Variants in KANSL1L observed in about 807,000 individuals in gnomAD.
The protein encoded by KANSL1L is KAT8 regulatory NSL complex subunit 1 like.
In KANSL1L, 25 loss-of-function variants were observed where a neutral mutation model predicts 108.6. That is an observed-to-expected ratio of 0.23 (90% CI 0.17 to 0.32). The LOEUF (loss-of-function observed/expected upper bound fraction) is 0.32. Ranked by LOEUF, KANSL1L falls within the 10% of genes least tolerant of loss-of-function variation. The pLI, the probability that KANSL1L is intolerant of heterozygous loss-of-function variation, is 1.00. For synonymous variants in KANSL1L, 405 were observed against 395.1 expected (o/e 1.03, Z -0.30); for missense variants, 1,137 against 1,125.7 (o/e 1.01, Z -0.14).
At chr2:210,083,240 T>C (rs2094604554) in intron 5 of KANSL1L, among the ~76,000 whole-genome samples, 2 of 152,174 alleles carry the variant, frequency 1.3e-5, no homozygotes, top group African/African-American at 4.8e-5. Flanking sequence ...TTTGAACTTC[T>C]AGCCTCCAGA....
chr2:210,073,667 G>C (rs1202439963), intron 6 of KANSL1L, among the ~76,000 whole-genome samples: 1 of 151,892 alleles, frequency 6.6e-6, no homozygotes, highest in Non-Finnish European at 1.5e-5. Flanking sequence ...ATTACAGAAA[G>C]TTCTATGGTT....
intron 6 of KANSL1L, among the ~76,000 whole-genome samples, chr2:210,072,446 A>G (rs902072139): frequency 6.6e-6 from 1 of 152,238 alleles, no homozygotes; most frequent in Non-Finnish European, 1.5e-5. Flanking sequence ...GGCAGGAGGC[A>G]CTTTAAGACA....
At chr2:210,076,892 G>GA (rs1207092704) in intron 5 of KANSL1L, among the ~76,000 whole-genome samples, 1 of 151,908 alleles carries the variant, frequency 6.6e-6, no homozygotes, top group African/African-American at 2.4e-5. Flanking sequence ...ATTAACAAAT[G>GA]AATCTGCTAT....
intron 3 of KANSL1L, among the ~76,000 whole-genome samples, chr2:210,116,777 C>T (rs2094959335): frequency 6.6e-6 from 1 of 152,130 alleles, no homozygotes; most frequent in South Asian, 2.1e-4. Flanking sequence ...AGGACTGGTA[C>T]AAATTAGTGC....
intron 14 of KANSL1L, among the ~76,000 whole-genome samples, chr2:210,023,795 T>G (rs926790730): frequency 3.9e-5 from 6 of 152,226 alleles, no homozygotes; most frequent in Non-Finnish European, 1.5e-5. Flanking sequence ...AATGAAACTT[T>G]GATAGTACTT....
intron 6 of KANSL1L, among the ~76,000 whole-genome samples, chr2:210,069,316 A>G (rs1202259733): frequency 3.9e-5 from 6 of 152,182 alleles, no homozygotes; most frequent in Non-Finnish European, 7.3e-5. Flanking sequence ...TCTGTTCATG[A>G]TGATATACAT....
At chr2:210,081,114 CAAAA>C (rs1284969771) in intron 5 of KANSL1L, among the ~76,000 whole-genome samples, 1 of 151,796 alleles carries the variant, frequency 6.6e-6, no homozygotes, top group Non-Finnish European at 1.5e-5. Flanking sequence ...CTCAGAAAAA[CAAAA>C]CAAACAAACA....
At chr2:210,028,505 C>T (rs1226003037) in intron 11 of KANSL1L, 3 of 150,744 alleles carry the variant, frequency 2.0e-5, no homozygotes, top group Non-Finnish European at 4.1e-5. Context: ...ACACCTGTAT[C>T]TTCAAGGGCA....
intron 2 of KANSL1L, among the ~76,000 whole-genome samples, chr2:210,145,066 C>A (rs2095256153): frequency 6.6e-6 from 1 of 152,190 alleles, no homozygotes; most frequent in Non-Finnish European, 1.5e-5. Flanking sequence ...AATCTCTGTA[C>A]AGCTCTATCA....
At chr2:210,108,125 T>C (rs1328434685) in intron 3 of KANSL1L, among the ~76,000 whole-genome samples, 2 of 152,192 alleles carry the variant, frequency 1.3e-5, no homozygotes, top group Non-Finnish European at 2.9e-5. Context: ...AAGTGATGTT[T>C]TTCTTATATA....
chr2:210,027,603 T>G (rs1478403417), intron 11 of KANSL1L, among the ~76,000 whole-genome samples: 1 of 152,218 alleles, frequency 6.6e-6, no homozygotes. Flanking sequence ...ATAATAATTA[T>G]GTACTGACTG....
At position 210,031,401 on chromosome 2, in the gene KANSL1L, A is replaced by G; in HGVS notation, c.2155+20T>C. 1 of 1,543,912 alleles carries G rather than the reference A, an allele frequency of 6.5e-7. No homozygotes were observed. Among genetic ancestry groups the G allele is most frequent in the Non-Finnish European group, 8.9e-7 (1 of 1,124,190 alleles). Reference sequence around the variant, plus strand: ...TTTTTAATATTTATCACTACTGCTTATATCCTCACTTTAACCTACCTAATG... The same window carrying G: ...TTTTTAATATTTATCACTACTGCTTGTATCCTCACTTTAACCTACCTAATG... On this transcript the variant is annotated intron_variant, in intron 9 of 14. Transcript: ENST00000281772.
intron 2 of KANSL1L, among the ~76,000 whole-genome samples, chr2:210,133,467 C>T (rs989664233): frequency 1.3e-5 from 2 of 151,970 alleles, no homozygotes; most frequent in African/African-American, 4.8e-5. Context: ...GATATTTTTC[C>T]TTCTTCCTGC....
chr2:210,165,309 A>G (rs1687875218), intron 1 of KANSL1L, among the ~76,000 whole-genome samples: 1 of 152,180 alleles, frequency 6.6e-6, no homozygotes, highest in Admixed American at 6.5e-5. Flanking sequence ...TCAAGTAAAT[A>G]ATCCTCCAGT....
chr2:210,075,165 C>T (rs952297101), intron 6 of KANSL1L, among the ~76,000 whole-genome samples: 1 of 152,178 alleles, frequency 6.6e-6, no homozygotes, highest in Non-Finnish European at 1.5e-5. Flanking sequence ...AAATAACTGA[C>T]AGCTGTGCAG....
intron 8 of KANSL1L, among the ~76,000 whole-genome samples, chr2:210,037,385 AT>A (rs1235078974): frequency 6.6e-6 from 1 of 152,114 alleles, no homozygotes; most frequent in East Asian, 1.9e-4. Flanking sequence ...TCATGGATGC[AT>A]TTTTTTCCCT....
At chr2:210,160,311 A>C (rs1426205632) in intron 1 of KANSL1L, among the ~76,000 whole-genome samples, 1 of 152,172 alleles carries the variant, frequency 6.6e-6, no homozygotes, top group African/African-American at 2.4e-5. Context: ...ACTCATACTC[A>C]ATGTTGTACT....
intron 4 of KANSL1L, among the ~76,000 whole-genome samples, chr2:210,102,542 G>A (rs1344307844): frequency 1.3e-5 from 2 of 151,962 alleles, no homozygotes; most frequent in African/African-American, 2.4e-5. Flanking sequence ...CTACAGAATG[G>A]GAGAAAATTT....
At chr2:210,095,123 T>C (rs1338342532) in intron 5 of KANSL1L, among the ~76,000 whole-genome samples, 2 of 152,090 alleles carry the variant, frequency 1.3e-5, no homozygotes, top group Non-Finnish European at 2.9e-5. Flanking sequence ...AGGCATATTT[T>C]TTCCTGTAAT....
Sources: gnomAD v4.1 joint callset for allele counts (sites outside exome capture counted in the v4.1 genomes callset) on GRCh38, gnomAD v4.1.1 for gene constraint, MANE v1.5 for transcripts, NCBI Gene and HGNC (gene_info 2026-07-23, HGNC 2026-07-21) for gene names.